KDM4B: variants seen among roughly 807,000 people sequenced by gnomAD.
KDM4B encodes lysine-specific demethylase 4B.
In KDM4B, 32 loss-of-function variants were observed where a neutral mutation model predicts 125.2. The observed-to-expected ratio is 0.26, with a 90% CI of 0.19 to 0.34. The LOEUF is 0.34. Among genes scored for constraint, KDM4B ranks in the 10% least tolerant of loss-of-function variants. The probability of loss-of-function intolerance (pLI) is 1.00; values close to 1 mark genes in which losing one functional copy is unlikely to be tolerated. For missense variants in KDM4B, 1,190 were observed against 1,577.7 expected (o/e 0.75, Z 4.16); for synonymous variants, 721 against 677.9 (o/e 1.06, Z -0.99).
intron 9 of KDM4B, among the ~76,000 whole-genome samples, chr19:5,090,266 G>A (rs989096640): frequency 1.1e-4 from 17 of 151,954 alleles, no homozygotes; most frequent in African/African-American, 2.9e-4. Context: ...CCCTGGCCTC[G>A]CCAGGCTGAG....
chr19:4,989,207 C>T (rs541441186), intron 1 of KDM4B, among the ~76,000 whole-genome samples: 17 of 152,310 alleles, frequency 1.1e-4, no homozygotes, highest in African/African-American at 3.6e-4. Flanking sequence ...GGGGTGGAAG[C>T]CGCTTGCAGA....
intron 1 of KDM4B, among the ~76,000 whole-genome samples, chr19:4,985,301 G>A (rs1308456658): frequency 1.1e-4 from 16 of 152,184 alleles, no homozygotes; most frequent in Admixed American, 7.9e-4. Context: ...TCCAGCCTGG[G>A]CAACAGAGCG....
intron 9 of KDM4B, among the ~76,000 whole-genome samples, chr19:5,094,990 G>A (rs1414984359): frequency 6.6e-6 from 1 of 152,106 alleles, no homozygotes; most frequent in African/African-American, 2.4e-5. Flanking sequence ...GGGCGGCGCC[G>A]GGGGCGGGGC....
intron 1 of KDM4B, among the ~76,000 whole-genome samples, chr19:4,969,603 C>T (rs2034174661): frequency 1.3e-5 from 2 of 151,792 alleles, no homozygotes; most frequent in African/African-American, 2.4e-5. Context: ...TTTTATCACC[C>T]GGGACAAGCC....
intron 1 of KDM4B, among the ~76,000 whole-genome samples, chr19:5,003,077 C>T (rs2035442626): frequency 6.6e-6 from 1 of 152,198 alleles, no homozygotes; most frequent in African/African-American, 2.4e-5. Context: ...TCGTATGATT[C>T]CTCCTTTACA....
chr19:5,044,148 A>G (rs111486359), intron 5 of KDM4B, among the ~76,000 whole-genome samples: 2 of 80,136 alleles, frequency 2.5e-5, no homozygotes, highest in African/African-American at 1.0e-4. Context: ...ACCTTATCCC[A>G]CGCGGTGTTT....
At chr19:5,038,905 C>T (rs961174595) in intron 3 of KDM4B, among the ~76,000 whole-genome samples, 6 of 152,272 alleles carry the variant, frequency 3.9e-5, no homozygotes, top group Non-Finnish European at 5.9e-5. Flanking sequence ...CCAGGCGGGG[C>T]GGAGGCCCAT....
chr19:5,119,723 G>C lies in KDM4B; in HGVS notation c.1186G>C (p.Ala396Pro). 1 of 1,551,506 alleles carries C rather than the reference G, an allele frequency of 6.4e-7. No homozygotes were observed. Among genetic ancestry groups the C allele is most frequent in the Non-Finnish European group, 8.7e-7 (1 of 1,147,416 alleles). The change falls in exon 11 of 23, where the codon GCT (alanine) becomes CCT (proline). Residue 396 changes from alanine to proline, a missense_variant. Coordinates refer to ENST00000159111, the MANE Select transcript of KDM4B (RefSeq NM_015015.3). ...CCCCAAGTTCCCTGGGGAGGGTACG[G>C]CTGGGGCAGCGCTCCTAGAGGAGGC... ...EDPKFPGEGTAGAALLEEAGG... is the reference protein window; with the variant it reads ...EDPKFPGEGTPGAALLEEAGG...
At chr19:4,999,735 ACCTGT>A (rs2035309503) in intron 1 of KDM4B, among the ~76,000 whole-genome samples, 1 of 110,514 alleles carries the variant, frequency 9.0e-6, no homozygotes, top group South Asian at 3.2e-4. Context: ...CCACCCACCC[ACCTGT>A]CCATCTATCC....
chr19:5,034,597 CG>C (rs2145629317), intron 3 of KDM4B, among the ~76,000 whole-genome samples: 1 of 152,334 alleles, frequency 6.6e-6, no homozygotes, highest in East Asian at 1.9e-4. Flanking sequence ...GGGGCTGATT[CG>C]GCCCGAGGGC....
chr19:5,151,869 A>G lies in KDM4B; in HGVS notation c.*358A>G, dbSNP rs1182909129. Reference sequence around the variant, plus strand: ...CACCTTTGTGAGGCTCTTTCTATAAATACATATTGTTTAAAAAAAAGCAAG... The same window carrying G: ...CACCTTTGTGAGGCTCTTTCTATAAGTACATATTGTTTAAAAAAAAGCAAG... On this transcript the variant is annotated 3_prime_UTR_variant, in exon 23 of 23. Coordinates refer to ENST00000159111, the MANE Select transcript of KDM4B (RefSeq NM_015015.3). The G allele has an allele frequency of 4.4e-6, 1 of 225,810 alleles. No homozygotes were observed. Among genetic ancestry groups the G allele is most frequent in the Non-Finnish European group, 8.6e-6 (1 of 116,278 alleles). The allele number at this position is 225,810 out of a possible 1,614,324, so 14.0% of individuals were successfully genotyped here.
chr19:5,125,515 C>T (rs560524681), intron 11 of KDM4B, among the ~76,000 whole-genome samples: 1 of 152,320 alleles, frequency 6.6e-6, no homozygotes, highest in African/African-American at 2.4e-5. Flanking sequence ...GAGGCCCTGG[C>T]CTGGTCACTC....
chr19:5,033,114 G>A, intron 3 of KDM4B, 83 bp downstream of exon 3: 1 of 1,515,372 alleles, frequency 6.6e-7, no homozygotes, highest in South Asian at 1.2e-5. Context: ...AGCTCAGCCA[G>A]CCCCACAGGC....
At chr19:5,071,141 C>T (rs2037935663) in intron 7 of KDM4B, 82 bp downstream of exon 7, 2 of 1,323,576 alleles carry the variant, frequency 1.5e-6, no homozygotes, top group Non-Finnish European at 2.1e-6. Flanking sequence ...CTGGCGTCCC[C>T]CGGGCTCTGC....
At chr19:5,022,816 G>T (rs2036164680) in intron 2 of KDM4B, among the ~76,000 whole-genome samples, 1 of 151,920 alleles carries the variant, frequency 6.6e-6, no homozygotes, top group South Asian at 2.1e-4. Context: ...GGGCAGGAGT[G>T]CTCTCCAGGT....
chr19:5,134,341 C>A (rs1026596717), intron 14 of KDM4B, among the ~76,000 whole-genome samples: 4 of 152,158 alleles, frequency 2.6e-5, no homozygotes, highest in Non-Finnish European at 4.4e-5. Flanking sequence ...CAGGGAGCGC[C>A]CGTGTCTGGT....
At chr19:5,145,722 C>G (rs1465480536) in intron 21 of KDM4B, among the ~76,000 whole-genome samples, 1 of 152,198 alleles carries the variant, frequency 6.6e-6, no homozygotes, top group Admixed American at 6.5e-5. Context: ...GCTCGAGGCT[C>G]CCGGGAGGAG....
intron 1 of KDM4B, among the ~76,000 whole-genome samples, chr19:4,986,719 G>A (rs973332797): frequency 5.9e-5 from 9 of 152,234 alleles, no homozygotes; most frequent in African/African-American, 1.9e-4. Context: ...AGACCTCTGA[G>A]CGACTCACAC....
chr19:5,044,483 C>T (rs569097654), intron 5 of KDM4B, among the ~76,000 whole-genome samples: 8 of 152,294 alleles, frequency 5.3e-5, no homozygotes, highest in South Asian at 4.1e-4. Flanking sequence ...CATCCGCTGA[C>T]GGACATTTGG....
Sources: allele counts gnomAD v4.1 joint callset (sites outside exome capture counted in the v4.1 genomes callset), GRCh38; gene constraint gnomAD v4.1.1; transcripts MANE v1.5; gene names NCBI Gene and HGNC (gene_info 2026-07-23, HGNC 2026-07-21).